Variants in SHTN1 observed in about 807,000 individuals in gnomAD.
The protein encoded by SHTN1 is shootin-1.
Under a neutral mutation model 83.1 loss-of-function variants are expected in SHTN1, and 42 were observed. The observed-to-expected ratio is 0.51, with a 90% CI of 0.39 to 0.65. SHTN1 has a LOEUF of 0.65. Among genes scored for constraint, SHTN1 ranks in the 30% least tolerant of loss-of-function variants. SHTN1 has a pLI of 0.00. For missense variants in SHTN1, 622 were observed against 737.8 expected, an observed-to-expected ratio of 0.84 and a Z score of 1.82; for synonymous variants, 224 against 247.7, an observed-to-expected ratio of 0.90 and a Z score of 0.90.
At chr10:117,066,955 A>G (rs1589918224) in intron 1 of SHTN1, among the ~76,000 whole-genome samples, 1 of 152,344 alleles carries the variant, frequency 6.6e-6, no homozygotes, top group African/African-American at 2.4e-5. Flanking sequence ...CAGGCACCTC[A>G]CTAAGACTTG....
intron 5 of SHTN1, among the ~76,000 whole-genome samples, chr10:116,953,656 C>T (rs1433654075): frequency 1.7e-5 from 2 of 115,000 alleles, no homozygotes; most frequent in Non-Finnish European, 3.3e-5. Context: ...GAGACAGAGT[C>T]TCGCTCTGTC....
At chr10:116,952,064 A>C in intron 5 of SHTN1, 58 bp from the exon 6 acceptor site, 1 of 882,926 alleles carries the variant, frequency 1.1e-6, no homozygotes, top group Non-Finnish European at 1.6e-6. Context: ...TAAGAAATCA[A>C]TCTGGTCAAA....
rs1554934278 is a variant in SHTN1 at position 117,053,024 on chromosome 10, A to AAAAAAAAAAAAG, written c.-188-4515_-188-4514insCTTTTTTTTTTT. 2.5e-4 allele frequency among the ~76,000 whole-genome samples: 13 copies of AAAAAAAAAAAAG among 51,368 alleles called. 5 individuals carry two copies. Among genetic ancestry groups the AAAAAAAAAAAAG allele is most frequent in the Admixed American group, 1.0e-3 (3 of 2,948 alleles). 33.7% of individuals were successfully genotyped at this position (51,368 alleles called of 152,430 possible). A position where few individuals can be genotyped will look rare whatever the true frequency, so the allele number is the denominator to read the frequency against. On this transcript the variant is annotated intron_variant, in intron 1 of 17. Transcript: ENST00000392901. ...AACAGAGCAAGACTGTGTCTCAAAA[A>AAAAAAAAAAAAG]AAAAAAGAATTAAGAATTAAGTTGG...
chr10:117,100,091 C>T (rs890770986), intron 1 of SHTN1, among the ~76,000 whole-genome samples: 18 of 152,222 alleles, frequency 1.2e-4, no homozygotes, highest in African/African-American at 3.6e-4. Context: ...GCAGGAGAAT[C>T]GCTTGAACCT....
At chr10:116,895,639 A>C (rs1226946806) in intron 16 of SHTN1, among the ~76,000 whole-genome samples, 3 of 152,198 alleles carry the variant, frequency 2.0e-5, no homozygotes, top group Non-Finnish European at 4.4e-5. Context: ...ACTTAACTGC[A>C]GAATCATTAC....
intron 1 of SHTN1, among the ~76,000 whole-genome samples, chr10:117,121,834 C>T: frequency 6.6e-6 from 1 of 151,996 alleles, no homozygotes; most frequent in South Asian, 2.1e-4. Context: ...AGATCGAGAC[C>T]ATCCTGGCTA....
chr10:116,974,441 A>G (rs1360848502), intron 2 of SHTN1, among the ~76,000 whole-genome samples: 2 of 152,168 alleles, frequency 1.3e-5, no homozygotes, highest in South Asian at 2.1e-4. Flanking sequence ...TCATCTCTGA[A>G]TATTACACAA....
chr10:117,084,811 C>T (rs1314695632), intron 1 of SHTN1, among the ~76,000 whole-genome samples: 1 of 152,202 alleles, frequency 6.6e-6, no homozygotes, highest in Non-Finnish European at 1.5e-5. Context: ...AGGTGCCGTC[C>T]GTCACCCCTT....
At chr10:116,951,361 G>C (rs574574083) in intron 6 of SHTN1, among the ~76,000 whole-genome samples, 1 of 151,892 alleles carries the variant, frequency 6.6e-6, no homozygotes, top group African/African-American at 2.4e-5. Flanking sequence ...AGGTTGAGGC[G>C]GCAGTGAGCT....
chr10:116,990,411 T>TA (rs1437624823), intron 1 of SHTN1, among the ~76,000 whole-genome samples: 1 of 151,960 alleles, frequency 6.6e-6, no homozygotes, highest in African/African-American at 2.4e-5. Context: ...TCTCCTTGCT[T>TA]GTTCTCCCAG....
chr10:116,928,417 T>C (rs571355009), intron 10 of SHTN1, among the ~76,000 whole-genome samples: 8 of 152,350 alleles, frequency 5.3e-5, no homozygotes, highest in African/African-American at 1.9e-4. Flanking sequence ...TTTTGCTCTT[T>C]TGAAGAGATT....
chr10:117,054,173 G>T (rs1360061063), intron 1 of SHTN1, among the ~76,000 whole-genome samples: 1 of 152,104 alleles, frequency 6.6e-6, no homozygotes, highest in Non-Finnish European at 1.5e-5. Context: ...TGGAAGGGAG[G>T]TTGGACACGT....
rs186476338 is a variant in SHTN1 at position 117,037,810 on chromosome 10, G to A, written c.-123+10635C>T. On this transcript the variant is annotated intron_variant, in intron 2 of 17. Coordinates refer to the SHTN1 transcript ENST00000392901. ...ATCACAAGATCAGGAGTTCGAGACC[G>A]TCCTGGCCAATATGGTGAAACCCCA... Among the ~76,000 whole-genome samples, 54 of 151,924 alleles carry A rather than the reference G, an allele frequency of 3.6e-4. 1 individual carries two copies. Among genetic ancestry groups the A allele is most frequent in the Admixed American group, 3.3e-3 (51 of 15,258 alleles).
At chr10:116,911,552 A>G (rs1300876143) in intron 14 of SHTN1, 2 of 1,550,722 alleles carry the variant, frequency 1.3e-6, no homozygotes, top group Admixed American at 2.0e-5. Flanking sequence ...ACAGGAAACA[A>G]TGACTTTGGT....
chr10:116,898,304 G>A (rs932687925), intron 16 of SHTN1, among the ~76,000 whole-genome samples: 1 of 151,534 alleles, frequency 6.6e-6, no homozygotes, highest in Non-Finnish European at 1.5e-5. Context: ...CTCCAGCCTG[G>A]GCGACAGCAA....
intron 15 of SHTN1, among the ~76,000 whole-genome samples, chr10:116,904,767 A>G (rs1444104918): frequency 6.6e-6 from 1 of 152,178 alleles, no homozygotes; most frequent in Non-Finnish European, 1.5e-5. Flanking sequence ...TTGAAAACTA[A>G]CTCTGAAATG....
rs747106385 is a variant in SHTN1, at chr10:116,882,933, C to A, written c.*3411G>T. 6.6e-6 allele frequency: 1 copy of A among 151,268 alleles called. No homozygotes were observed. The highest frequency in any genetic ancestry group is 1.5e-5 in the Non-Finnish European group (1 of 67,872). The allele number at this position is 151,268 out of a possible 1,614,324, so 9.4% of individuals were successfully genotyped here. On this transcript the variant is annotated 3_prime_UTR_variant, in exon 17 of 17. Coordinates refer to ENST00000355371, the MANE Select transcript of SHTN1 (RefSeq NM_001127211.3). ...AGGAAAATTCATTTGAAAGGCAGAA[C>A]AAACATGACTGGGTGTTCACATACC...
At chr10:116,910,105 T>C (rs965345420) in intron 14 of SHTN1, among the ~76,000 whole-genome samples, 1 of 152,070 alleles carries the variant, frequency 6.6e-6, no homozygotes, top group Non-Finnish European at 1.5e-5. Context: ...CTTTTTATCT[T>C]TCTTATAAGA....
chr10:117,109,553 CTTTTTTTTTT>C (rs374713015), intron 1 of SHTN1, among the ~76,000 whole-genome samples: 6 of 42,932 alleles, frequency 1.4e-4, no homozygotes, highest in African/African-American at 2.2e-4. Context: ...ACATATATTA[CTTTTTTTTTT>C]TTTTTTTTTT....
Sources: allele counts gnomAD v4.1 joint callset (sites outside exome capture counted in the v4.1 genomes callset), GRCh38; gene constraint gnomAD v4.1.1; transcripts MANE v1.5; gene names NCBI Gene and HGNC (gene_info 2026-07-23, HGNC 2026-07-21).